FYB1: variants seen among roughly 807,000 people sequenced by gnomAD.
FYB1 encodes the protein FYN binding protein 1.
FYB1 carries 41 observed loss-of-function variants against 94.1 expected under a neutral mutation model. The ratio of observed to expected loss-of-function variants is 0.44; its 90% CI spans 0.34 to 0.57. FYB1 has a LOEUF of 0.57. FYB1 is among the 20% of genes least tolerant of loss of function. The probability of loss-of-function intolerance (pLI) is 0.02; values close to 1 mark genes in which losing one functional copy is unlikely to be tolerated. For synonymous variants in FYB1, 367 were observed against 353.2 expected (o/e 1.04, Z -0.44); for missense variants, 1,050 against 976.8 (o/e 1.07, Z -1.00).
rs546128078 is a variant in FYB1 at position 39,118,987 on chromosome 5, A to T, written c.2288T>A (p.Ile763Lys). Residue 763 changes from isoleucine to lysine, a missense_variant, in exon 16 of 19, where the codon ATA (isoleucine) becomes AAA (lysine). Ile to Lys is a moderately radical substitution (Grantham distance 102, BLOSUM62 -3). Coordinates refer to ENST00000512982, the MANE Select transcript of FYB1 (RefSeq NM_001465.6). The stretch of plus-strand genomic sequence containing the variant: ...TCTGGTTCCCCACTTTTTAGAAGTT[A>T]TGGAAGTTGTAACTTTAGTTGAATA... ...VLYSTKVTTS[I>K]TSKKWGTRDL... 6.5e-7 allele frequency: 1 copy of T among 1,548,550 alleles called. No individual in the cohort carries two copies. The highest frequency in any genetic ancestry group is 1.4e-5 in the African/African-American group (1 of 73,158).
rs1391818741 is a variant in FYB1, at chr5:39,106,211, A to G, written c.*1232T>C. 6.6e-6 allele frequency: 1 copy of G among 152,214 alleles called. No individual in the cohort carries two copies. Among genetic ancestry groups the G allele is most frequent in the Non-Finnish European group, 1.5e-5 (1 of 68,020 alleles). 9.4% of individuals were successfully genotyped at this position (152,214 alleles called of 1,614,324 possible). A position where few individuals can be genotyped will look rare whatever the true frequency, so the allele number is the denominator to read the frequency against. On this transcript the variant is annotated 3_prime_UTR_variant, in exon 19 of 19. Coordinates refer to ENST00000512982, the MANE Select transcript of FYB1 (RefSeq NM_001465.6). ...TAGTCTAATATTGTAATTTACAGAT[A>G]AGGAAACTGAGAAGATAAATAATTT...
At chr5:39,166,036 T>C (rs1744699078) in intron 2 of FYB1, among the ~76,000 whole-genome samples, 1 of 152,188 alleles carries the variant, frequency 6.6e-6, no homozygotes, top group African/African-American at 2.4e-5. Context: ...TGGGAATGTA[T>C]ATAAATTAGT....
chr5:39,205,995 C>T (rs1257091547), intron 1 of FYB1, among the ~76,000 whole-genome samples: 3 of 152,140 alleles, frequency 2.0e-5, no homozygotes, highest in Non-Finnish European at 4.4e-5. Flanking sequence ...TTCTAATTTG[C>T]TAGTCACAAA....
intron 2 of FYB1, among the ~76,000 whole-genome samples, chr5:39,175,085 T>C (rs1257354766): frequency 6.6e-6 from 1 of 151,914 alleles, no homozygotes; most frequent in Non-Finnish European, 1.5e-5. Context: ...GATTGACAAA[T>C]AAACAATAAG....
At chr5:39,273,057 G>A (rs545683170) in intron 1 of FYB1, among the ~76,000 whole-genome samples, 1 of 152,314 alleles carries the variant, frequency 6.6e-6, no homozygotes, top group South Asian at 2.1e-4. Context: ...CACCCCGTCC[G>A]GGAGGTGGGG....
chr5:39,216,691 T>C (rs541895167), intron 1 of FYB1, among the ~76,000 whole-genome samples: 40 of 152,330 alleles, frequency 2.6e-4, no homozygotes, highest in South Asian at 1.7e-3. Flanking sequence ...TCATGATTAT[T>C]TTTTGCTGCA....
chr5:39,134,344 A>C lies in FYB1; in HGVS notation c.1681T>G (p.Tyr561Asp), dbSNP rs753898907. The C allele has an allele frequency of 6.3e-7, 1 of 1,599,152 alleles. No individual in the cohort carries two copies. The highest frequency in any genetic ancestry group is 8.5e-7 in the Non-Finnish European group (1 of 1,170,086). The change falls in exon 9 of 19, where the codon TAT (tyrosine) becomes GAT (aspartate). Residue 561 changes from tyrosine (Y) to aspartate (D), a missense_variant. Transcript: ENST00000512982. ...LGRTARGSYG[Y>D]IKTTAVEIDY... Reference sequence around the variant, plus strand: ...ATCTCTACAGCAGTTGTTTTAATATAGCCATCTACCAAAAAGGGAAATATT... The same window carrying C: ...ATCTCTACAGCAGTTGTTTTAATATCGCCATCTACCAAAAAGGGAAATATT...
At chr5:39,205,517 A>G (rs1360430263) in intron 1 of FYB1, among the ~76,000 whole-genome samples, 2 of 152,222 alleles carry the variant, frequency 1.3e-5, no homozygotes, top group Non-Finnish European at 2.9e-5. Context: ...TGCATCGGTG[A>G]GGAAATGGAA....
chr5:39,271,203 A>G (rs545574287), intron 1 of FYB1, among the ~76,000 whole-genome samples: 1 of 152,200 alleles, frequency 6.6e-6, no homozygotes, highest in Admixed American at 6.5e-5. Context: ...TGAAGGAAAC[A>G]CTCATAAGCT....
chr5:39,232,230 T>C (rs1239006523), intron 1 of FYB1, among the ~76,000 whole-genome samples: 1 of 152,122 alleles, frequency 6.6e-6, no homozygotes, highest in Non-Finnish European at 1.5e-5. Flanking sequence ...AAAATGAACA[T>C]TGCATGTTTG....
chr5:39,227,391 T>C (rs1449866728), intron 1 of FYB1, among the ~76,000 whole-genome samples: 2 of 152,202 alleles, frequency 1.3e-5, no homozygotes, highest in African/African-American at 4.8e-5. Context: ...AGAATGTTCG[T>C]ATTCTTAGGA....
At chr5:39,219,594 C>G, upstream of FYB1, 1 of 985,222 alleles carries the variant, frequency 1.0e-6, no homozygotes, top group Non-Finnish European at 1.2e-6. Context: ...AGGGTTTTGT[C>G]CCGGTCAGTG....
At position 39,107,285 on chromosome 5, in the gene FYB1, C is replaced by A; in HGVS notation, c.*158G>T. On this transcript the variant is annotated 3_prime_UTR_variant, in exon 19 of 19. Coordinates refer to ENST00000512982, the MANE Select transcript of FYB1 (RefSeq NM_001465.6). ...AAGCAGAGAGATTATTTTCTATGTT[C>A]AAACTTTAAACACTTTGTAAAGATA... 4.5e-6 allele frequency: 2 copies of A among 444,406 alleles called. No homozygotes were observed. The highest frequency in any genetic ancestry group is 1.2e-4 in the South Asian group (2 of 16,726). 27.5% of individuals were successfully genotyped at this position (444,406 alleles called of 1,614,324 possible).
At chr5:39,204,707 A>G (rs1478156164) in intron 1 of FYB1, among the ~76,000 whole-genome samples, 1 of 152,192 alleles carries the variant, frequency 6.6e-6, no homozygotes, top group Non-Finnish European at 1.5e-5. Context: ...ACTGAGATTA[A>G]TACTGTGCAT....
At position 39,159,572 on chromosome 5, in the gene FYB1, G is replaced by A. The variant is rs77646496; in HGVS notation, c.1136-5968C>T. ...CAGACCCTACCCTTGCCTTCCTCAC[G>A]TACTACAGATGACCTTACCTCTTAT... is the stretch of plus-strand genomic sequence containing the variant. On this transcript the variant is annotated intron_variant, in intron 2 of 18. Transcript: ENST00000512982. Among the ~76,000 whole-genome samples the A allele has an allele frequency of 1.8e-3, 269 of 152,196 alleles. 3 individuals carry two copies. Among genetic ancestry groups the A allele is most frequent in the African/African-American group, 5.8e-3 (241 of 41,524 alleles).
At chr5:39,148,348 C>T (rs1341903630) in intron 3 of FYB1, among the ~76,000 whole-genome samples, 1 of 95,572 alleles carries the variant, frequency 1.0e-5, no homozygotes, top group African/African-American at 3.8e-5. Context: ...ACTTTATTGG[C>T]TATTCATGCA....
At chr5:39,166,395 C>T (rs1052336864) in intron 2 of FYB1, among the ~76,000 whole-genome samples, 20 of 151,326 alleles carry the variant, frequency 1.3e-4, no homozygotes, top group African/African-American at 3.9e-4. Flanking sequence ...AAGATTGTGC[C>T]GTTGTACTCC....
intron 1 of FYB1, among the ~76,000 whole-genome samples, chr5:39,236,305 T>A (rs1561297886): frequency 6.6e-6 from 1 of 152,118 alleles, no homozygotes; most frequent in Admixed American, 6.6e-5. Context: ...CTGGATGTTC[T>A]GGACTTTAAT....
chr5:39,139,415 T>C (rs944898858), intron 4 of FYB1, 163 bp from the exon 5 acceptor site: 2 of 545,066 alleles, frequency 3.7e-6, no homozygotes, highest in Non-Finnish European at 5.7e-6. Context: ...GTACTTTAGA[T>C]CTTTACTATG....
Sources: gnomAD v4.1 joint callset for allele counts (sites outside exome capture counted in the v4.1 genomes callset) on GRCh38, gnomAD v4.1.1 for gene constraint, MANE v1.5 for transcripts, NCBI Gene and HGNC (gene_info 2026-07-23, HGNC 2026-07-21) for gene names.